Variants in CNTN4 observed in about 807,000 individuals in gnomAD.
CNTN4 encodes contactin-4.
In CNTN4, 77 loss-of-function variants were observed where a neutral mutation model predicts 122.5. The ratio of observed to expected loss-of-function variants is 0.63; its 90% CI spans 0.52 to 0.76. The LOEUF (loss-of-function observed/expected upper bound fraction) is 0.76, where lower values mean the gene tolerates loss of function less well. Among genes scored for constraint, CNTN4 ranks in the 30% least tolerant of loss-of-function variants. The pLI, the probability that CNTN4 is intolerant of heterozygous loss-of-function variation, is 0.00. For missense variants in CNTN4, 1,256 were observed against 1,259.1 expected, an observed-to-expected ratio of 1.00 and a Z score of 0.04; for synonymous variants, 512 against 447.0, an observed-to-expected ratio of 1.15 and a Z score of -1.83.
chr3:2,553,754 T>C (rs2078609043), intron 3 of CNTN4, among the ~76,000 whole-genome samples: 1 of 152,198 alleles, frequency 6.6e-6, no homozygotes, highest in Non-Finnish European at 1.5e-5. Flanking sequence ...TATTTATTTC[T>C]GCTGATATAT....
chr3:3,031,473 T>C (rs1559809662), intron 16 of CNTN4, among the ~76,000 whole-genome samples: 1 of 152,124 alleles, frequency 6.6e-6, no homozygotes, highest in Non-Finnish European at 1.5e-5. Context: ...GAGAGGACAC[T>C]TCCTGACTGC....
chr3:2,673,122 T>C (rs189016296), intron 4 of CNTN4, among the ~76,000 whole-genome samples: 1 of 152,324 alleles, frequency 6.6e-6, no homozygotes, highest in South Asian at 2.1e-4. Flanking sequence ...GTAGAATTCT[T>C]AGATGGAAAA....
intron 7 of CNTN4, among the ~76,000 whole-genome samples, chr3:2,857,672 G>C (rs754833371): frequency 6.6e-6 from 1 of 152,062 alleles, no homozygotes; most frequent in East Asian, 1.9e-4. Flanking sequence ...TGACCTCCTG[G>C]GCGCAAGCGA....
intron 4 of CNTN4, among the ~76,000 whole-genome samples, chr3:2,705,447 C>A (rs373346761): frequency 1.2e-4 from 4 of 32,974 alleles, no homozygotes; most frequent in East Asian, 5.3e-4. Flanking sequence ...ATATTTATAT[C>A]TATATATATA....
chr3:2,220,414 G>A (rs186944991), intron 2 of CNTN4, among the ~76,000 whole-genome samples: 83 of 152,188 alleles, frequency 5.5e-4, no homozygotes, highest in Admixed American at 4.7e-3. Flanking sequence ...CAGGAATGTT[G>A]AGTACATTAA....
At chr3:2,549,799 G>C (rs1319197464) in intron 3 of CNTN4, among the ~76,000 whole-genome samples, 2 of 152,072 alleles carry the variant, frequency 1.3e-5, no homozygotes, top group Non-Finnish European at 2.9e-5. Context: ...TGTACCTCTG[G>C]TAGAATTCAG....
chr3:2,429,635 A>G (rs1226136295), intron 3 of CNTN4, among the ~76,000 whole-genome samples: 1 of 152,160 alleles, frequency 6.6e-6, no homozygotes, highest in African/African-American at 2.4e-5. Flanking sequence ...TTAAGTCTGC[A>G]GTAGTTTCTG....
At chr3:2,925,591 T>C (rs773146114) in intron 12 of CNTN4, 38 bp from the exon 13 acceptor site, 1 of 1,594,578 alleles carries the variant, frequency 6.3e-7, no homozygotes, top group Non-Finnish European at 8.6e-7. Context: ...CATGGAAGGC[T>C]GTCTTGCATA....
rs2092077837 is a variant in CNTN4 at position 2,793,544 on chromosome 3, G to A, written c.359-25942G>A. The stretch of plus-strand genomic sequence containing the variant: ...GGTTTTGGTTTAATGAAAGAGCATC[G>A]AAGCTGTCAAGAACCTCAGTGATTT... On this transcript the variant is annotated intron_variant, in intron 6 of 24. Coordinates refer to ENST00000418658, the MANE Select transcript of CNTN4 (RefSeq NM_175607.3). Among the ~76,000 whole-genome samples, 3 of 152,122 alleles carry A rather than the reference G, an allele frequency of 2.0e-5. No individual in the cohort carries two copies. In the South Asian group the frequency reaches 6.2e-4, roughly 32 times the overall value.
chr3:2,554,350 A>C (rs1282712577), intron 3 of CNTN4, among the ~76,000 whole-genome samples: 1 of 152,088 alleles, frequency 6.6e-6, no homozygotes, highest in Non-Finnish European at 1.5e-5. Flanking sequence ...AGCAAAAAAA[A>C]ACCCAAACAT....
chr3:2,101,128 A>G (rs572628711), intron 2 of CNTN4, among the ~76,000 whole-genome samples: 50 of 152,256 alleles, frequency 3.3e-4, no homozygotes, highest in Non-Finnish European at 6.0e-4. Flanking sequence ...AAGAGTGATT[A>G]GAGAACAAAC....
chr3:2,859,249 A>G (rs530706740), intron 7 of CNTN4, among the ~76,000 whole-genome samples: 15 of 152,286 alleles, frequency 9.8e-5, no homozygotes, highest in African/African-American at 3.6e-4. Flanking sequence ...TATTATTTTT[A>G]TGGCTAGATA....
intron 3 of CNTN4, among the ~76,000 whole-genome samples, chr3:2,343,400 C>T (rs779262504): frequency 6.6e-6 from 1 of 152,160 alleles, no homozygotes; most frequent in Non-Finnish European, 1.5e-5. Context: ...TAATTTGCCC[C>T]CTCCTGCAAC....
chr3:2,344,092 C>T (rs929156311), intron 3 of CNTN4, among the ~76,000 whole-genome samples: 2 of 152,120 alleles, frequency 1.3e-5, no homozygotes, highest in African/African-American at 4.8e-5. Flanking sequence ...CCCCATGGCC[C>T]AAACACCTCG....
chr3:2,546,111 A>G, intron 3 of CNTN4, among the ~76,000 whole-genome samples: 1 of 152,124 alleles, frequency 6.6e-6, no homozygotes, highest in East Asian at 1.9e-4. Context: ...CAATGTGGTG[A>G]TTTGTCAAAG....
chr3:2,914,184 C>T (rs1398725463), intron 12 of CNTN4, among the ~76,000 whole-genome samples: 1 of 152,080 alleles, frequency 6.6e-6, no homozygotes, highest in Non-Finnish European at 1.5e-5. Flanking sequence ...AATAATGATA[C>T]ATGCTTACAT....
rs139672958 is a variant in CNTN4, at chr3:2,586,234, C to T, written c.55+14676C>T. ...CCTTAGCTTCCGACCTTACTGTGTTCCTTCCAGTGCAACATTCTCCATTTT... is the reference window on the plus strand; with the variant it reads ...CCTTAGCTTCCGACCTTACTGTGTTTCTTCCAGTGCAACATTCTCCATTTT... On this transcript the variant is annotated intron_variant, in intron 4 of 24. Transcript: ENST00000418658. 1.8e-4 allele frequency among the ~76,000 whole-genome samples: 28 copies of T among 152,240 alleles called. 2 individuals are homozygous for T. The highest frequency in any genetic ancestry group is 6.3e-4 in the African/African-American group (26 of 41,548).
At chr3:2,969,466 A>G (rs1692660096) in intron 13 of CNTN4, among the ~76,000 whole-genome samples, 1 of 152,126 alleles carries the variant, frequency 6.6e-6, no homozygotes, top group Non-Finnish European at 1.5e-5. Context: ...CAGCCACCCA[A>G]AGTACATGGT....
In CNTN4 at chr3:2,385,520, T is replaced by C. The variant is rs915654743; in HGVS notation, c.-89+46287T>C. On this transcript the variant is annotated intron_variant, in intron 3 of 24. Coordinates refer to ENST00000418658, the MANE Select transcript of CNTN4 (RefSeq NM_175607.3). The surrounding 1 kb of genome is among the most constrained non-coding windows in gnomAD (Gnocchi z 4.0). ...GACTTAAAATGACAGAAGTTTATTCTCTCACACTTCTAGAGGCCAGAAGTC... is the reference window on the plus strand; with the variant it reads ...GACTTAAAATGACAGAAGTTTATTCCCTCACACTTCTAGAGGCCAGAAGTC... Among the ~76,000 whole-genome samples, 1 of 152,084 alleles carries C rather than the reference T, an allele frequency of 6.6e-6. No homozygotes were observed. The highest frequency in any genetic ancestry group is 1.5e-5 in the Non-Finnish European group (1 of 68,032).
Sources: allele counts gnomAD v4.1 joint callset (sites outside exome capture counted in the v4.1 genomes callset), GRCh38; gene constraint gnomAD v4.1.1; non-coding constraint Gnocchi (gnomAD v3.1); transcripts MANE v1.5; gene names NCBI Gene and HGNC (gene_info 2026-07-23, HGNC 2026-07-21).